Variants in DLG2 observed in about 807,000 individuals in gnomAD.
The protein encoded by DLG2 is discs large MAGUK scaffold protein 2.
DLG2 carries 45 observed loss-of-function variants against 132.5 expected under a neutral mutation model. That is an observed-to-expected ratio of 0.34 (90% CI 0.27 to 0.44). DLG2 has a LOEUF of 0.44. DLG2 is among the 20% of genes least tolerant of loss of function. The probability of loss-of-function intolerance (pLI) is 1.00; values close to 1 mark genes in which losing one functional copy is unlikely to be tolerated. For missense variants in DLG2, 1,045 were observed against 1,196.9 expected, an observed-to-expected ratio of 0.87 and a Z score of 1.87; for synonymous variants, 424 against 419.6, an observed-to-expected ratio of 1.01 and a Z score of -0.13.
rs141552668 is a variant in DLG2 at position 83,675,850 on chromosome 11, C to T, written c.1826-42525G>A. Among the ~76,000 whole-genome samples, 899 of 152,266 alleles carry T rather than the reference C, an allele frequency of 5.9e-3. 13 individuals carry two copies. Among genetic ancestry groups the T allele is most frequent in the African/African-American group, 0.021 (859 of 41,542 alleles). Reference sequence around the variant, plus strand: ...CTCAAATCCTTTCCTTCTTTCTTCTCCCCTAGCAAACTCCTACTCTTCCTG... The same window carrying T: ...CTCAAATCCTTTCCTTCTTTCTTCTTCCCTAGCAAACTCCTACTCTTCCTG... On this transcript the variant is annotated intron_variant, in intron 18 of 27. Coordinates refer to ENST00000376104, the MANE Select transcript of DLG2 (RefSeq NM_001142699.3).
intron 6 of DLG2, among the ~76,000 whole-genome samples, chr11:84,852,968 A>C (rs1330368391): frequency 1.3e-5 from 2 of 152,040 alleles, no homozygotes; most frequent in African/African-American, 2.4e-5. Context: ...TAAAATATTC[A>C]ATTGAAAAAG....
intron 7 of DLG2, among the ~76,000 whole-genome samples, chr11:84,450,116 A>C (rs966317627): frequency 2.6e-5 from 4 of 151,912 alleles, no homozygotes; most frequent in Non-Finnish European, 5.9e-5. Flanking sequence ...GGAATTGATT[A>C]ACTTATTCAA....
intron 6 of DLG2, among the ~76,000 whole-genome samples, chr11:84,727,906 G>C (rs1172226682): frequency 6.6e-6 from 1 of 152,020 alleles, no homozygotes; most frequent in Non-Finnish European, 1.5e-5. Context: ...TCTGTTATTG[G>C]TGTATAGAAA....
chr11:84,929,908 A>C (rs1341140649), intron 6 of DLG2, among the ~76,000 whole-genome samples: 2 of 152,064 alleles, frequency 1.3e-5, no homozygotes, highest in African/African-American at 4.8e-5. Flanking sequence ...GATTTTTTTA[A>C]ATTCCTTACC....
At chr11:84,055,446 A>C (rs1433045530) in intron 11 of DLG2, among the ~76,000 whole-genome samples, 1 of 152,090 alleles carries the variant, frequency 6.6e-6, no homozygotes, top group Non-Finnish European at 1.5e-5. Flanking sequence ...TTGCATTTCA[A>C]TATAAACACA....
chr11:83,635,077 A>G (rs76844898), intron 18 of DLG2, among the ~76,000 whole-genome samples: 4 of 152,198 alleles, frequency 2.6e-5, no homozygotes, highest in Non-Finnish European at 5.9e-5. Flanking sequence ...ATAAACATCA[A>G]TATGATACTG....
chr11:84,601,944 T>C (rs533492602), intron 6 of DLG2, among the ~76,000 whole-genome samples: 1 of 151,994 alleles, frequency 6.6e-6, no homozygotes, highest in Non-Finnish European at 1.5e-5. Flanking sequence ...TATTTAACAT[T>C]TGGGGTCTCA....
At position 83,956,845 on chromosome 11, in the gene DLG2, G is replaced by T. The variant is rs554128266; in HGVS notation, c.1340+6040C>A. On this transcript the variant is annotated intron_variant, in intron 14 of 27. Transcript: ENST00000376104. ...ACCATAAACCTTGAGCCATTATTAA[G>T]GGACAGTTTATATAAAACACAATTA... is the stretch of plus-strand genomic sequence containing the variant. Among the ~76,000 whole-genome samples the T allele has an allele frequency of 2.4e-3, 373 of 152,292 alleles. 5 individuals carry two copies. The highest frequency in any genetic ancestry group is 1.0e-3 in the Non-Finnish European group (70 of 68,028).
At chr11:84,708,934 A>G (rs550861208) in intron 6 of DLG2, among the ~76,000 whole-genome samples, 188 of 152,050 alleles carry the variant, frequency 1.2e-3, no homozygotes, top group African/African-American at 4.3e-3. Context: ...AATATTTAAA[A>G]CAAAATTTTC....
At chr11:83,631,773 T>G (rs770287825) in intron 19 of DLG2, 1 of 152,134 alleles carries the variant, frequency 6.6e-6, no homozygotes, top group Non-Finnish European at 1.5e-5. Context: ...ATATAACCAT[T>G]TCAGTTACAC....
At chr11:84,205,519 CA>C (rs1321774798) in intron 8 of DLG2, among the ~76,000 whole-genome samples, 1 of 149,804 alleles carries the variant, frequency 6.7e-6, no homozygotes, top group African/African-American at 2.5e-5. Flanking sequence ...GGACTGAAAA[CA>C]TAGACTAAAT....
At chr11:83,643,290 A>T (rs562763692) in intron 18 of DLG2, among the ~76,000 whole-genome samples, 56 of 152,284 alleles carry the variant, frequency 3.7e-4, no homozygotes, top group African/African-American at 1.3e-3. Flanking sequence ...TGCATGAGAG[A>T]GTAAATGTGA....
At chr11:85,307,732 C>T (rs2080047858) in intron 3 of DLG2, among the ~76,000 whole-genome samples, 1 of 152,186 alleles carries the variant, frequency 6.6e-6, no homozygotes, top group African/African-American at 2.4e-5. Context: ...TGATTTAGTT[C>T]CTTATCCATG....
At chr11:84,251,401 C>G (rs774670649) in intron 7 of DLG2, 110 bp from the exon 8 acceptor site, 2 of 729,024 alleles carry the variant, frequency 2.7e-6, no homozygotes, top group Non-Finnish European at 4.4e-6. Flanking sequence ...TTGAGGACCT[C>G]TACAGGCACC....
chr11:83,633,165 T>C, intron 19 of DLG2, 46 bp downstream of exon 19: 1 of 1,573,130 alleles, frequency 6.4e-7, no homozygotes, highest in East Asian at 2.2e-5. Context: ...TTTTCTCAAG[T>C]TGAATTGCTC....
At chr11:83,596,874 A>G (rs1466593044) in intron 19 of DLG2, among the ~76,000 whole-genome samples, 2 of 152,178 alleles carry the variant, frequency 1.3e-5, no homozygotes, top group African/African-American at 4.8e-5. Context: ...TTATGAAAAT[A>G]CATTCTGAGA....
At chr11:85,355,022 C>T (rs1451739743) in intron 3 of DLG2, among the ~76,000 whole-genome samples, 1 of 151,290 alleles carries the variant, frequency 6.6e-6, no homozygotes, top group Non-Finnish European at 1.5e-5. Flanking sequence ...TTGTTTTTTG[C>T]ACATTTTTGG....
intron 6 of DLG2, among the ~76,000 whole-genome samples, chr11:84,690,091 C>T (rs538635785): frequency 1.3e-5 from 2 of 151,556 alleles, no homozygotes; most frequent in Admixed American, 6.6e-5. Flanking sequence ...AGGTAGTTAC[C>T]AGAGGCTGAG....
chr11:84,151,904 G>C (rs937290752), intron 9 of DLG2, among the ~76,000 whole-genome samples: 2 of 152,254 alleles, frequency 1.3e-5, no homozygotes, highest in Admixed American at 6.5e-5. Context: ...TGTAGTTTGA[G>C]AGTATGTTTG....
Sources: allele counts gnomAD v4.1 joint callset (sites outside exome capture counted in the v4.1 genomes callset), GRCh38; gene constraint gnomAD v4.1.1; transcripts MANE v1.5; gene names NCBI Gene and HGNC (gene_info 2026-07-23, HGNC 2026-07-21).